The following TMEM91 variants were observed in gnomAD, a reference collection of about 807,000 sequenced individuals.
TMEM91 encodes transmembrane protein 91, also known as dispanin subfamily C member 3.
TMEM91 carries 6 observed loss-of-function variants against 13.3 expected under a neutral mutation model. The observed-to-expected ratio is 0.45, with a 90% CI of 0.25 to 0.89. The LOEUF (loss-of-function observed/expected upper bound fraction) is 0.89, where lower values mean the gene tolerates loss of function less well. Ranked by LOEUF, TMEM91 falls within the 40% of genes least tolerant of loss-of-function variation. TMEM91 has a pLI of 0.19. For missense variants in TMEM91, 193 were observed against 228.7 expected, an observed-to-expected ratio of 0.84 and a Z score of 1.01; for synonymous variants, 87 against 101.7, an observed-to-expected ratio of 0.86 and a Z score of 0.87.
At chr19:41,370,393 T>TTTAATTTATTTA (rs376147570) in intron 1 of TMEM91, among the ~76,000 whole-genome samples, 1 of 142,986 alleles carries the variant, frequency 7.0e-6, no homozygotes, top group Non-Finnish European at 1.5e-5. Context: ...TTTATTTTTA[T>TTTAATTTATTTA]TTTATTTATT....
In TMEM91 at chr19:41,381,644, G is replaced by T. The variant is rs995817804; in HGVS notation, c.211-1128G>T. On this transcript the variant is annotated intron_variant, in intron 2 of 3. Transcript: ENST00000392002. ...CTCCCAAAGTGCTGGGCTTACAGGCGTGAGCCACTGAGCCTGGCCCATGCC... is the reference window on the plus strand; with the variant it reads ...CTCCCAAAGTGCTGGGCTTACAGGCTTGAGCCACTGAGCCTGGCCCATGCC... 3.3e-4 allele frequency among the ~76,000 whole-genome samples: 50 copies of T among 151,964 alleles called. 1 individual carries two copies. Among genetic ancestry groups the T allele is most frequent in the Non-Finnish European group, 5.4e-4 (37 of 67,982 alleles).
upstream of TMEM91, among the ~76,000 whole-genome samples, chr19:41,375,760 A>G (rs1036612257): frequency 2.0e-5 from 3 of 151,604 alleles, no homozygotes; most frequent in Admixed American, 1.3e-4. Context: ...TGAAGCGAGC[A>G]ATGATTGCGC....
intron 1 of TMEM91, among the ~76,000 whole-genome samples, chr19:41,370,791 C>G (rs995247269): frequency 6.6e-6 from 1 of 152,050 alleles, no homozygotes; most frequent in African/African-American, 2.4e-5. Context: ...TAACCTCTGC[C>G]TCCTGGCTTC....
chr19:41,378,016 A>G (rs1334595982), intron 1 of TMEM91, among the ~76,000 whole-genome samples: 5 of 143,548 alleles, frequency 3.5e-5, no homozygotes, highest in Non-Finnish European at 7.6e-5. Context: ...TGCCTGGGCA[A>G]CAGATGGAGA....
At chr19:41,380,829 A>G (rs2038861519) in intron 2 of TMEM91, among the ~76,000 whole-genome samples, 1 of 149,572 alleles carries the variant, frequency 6.7e-6, no homozygotes, top group East Asian at 2.0e-4. Flanking sequence ...CAGGAGAATC[A>G]CTTAAACCTG....
Position 41,376,653 on chromosome 19 carries a change from C to A in TMEM91, c.-231C>A, listed in dbSNP as rs925918287. 15 of 152,218 alleles carry A rather than the reference C, an allele frequency of 9.9e-5. No individual in the cohort carries two copies. The highest frequency in any genetic ancestry group is 3.6e-4 in the African/African-American group (15 of 41,468). The allele number at this position is 152,218 out of a possible 1,614,324, so 9.4% of individuals were successfully genotyped here. A position where few individuals can be genotyped will look rare whatever the true frequency, so the allele number is the denominator to read the frequency against. On this transcript the variant is annotated 5_prime_UTR_variant, in exon 1 of 4. Transcript: ENST00000392002. The stretch of plus-strand genomic sequence containing the variant: ...GACGCTGACGTCGGCTTTCAGGGAT[C>A]CCTCGCCGGACGCCGCGGAGGGACA...
At chr19:41,374,114 C>T (rs1016368332), upstream of TMEM91, 4 of 152,284 alleles carry the variant, frequency 2.6e-5, no homozygotes, top group Admixed American at 6.5e-5. Context: ...CTGCTTCTGT[C>T]GTCTGCCAGA....
At position 41,383,821 on chromosome 19, in the gene TMEM91, CG is replaced by C; in HGVS notation, c.469del (p.Ala157LeufsTer4). On this transcript the variant is annotated frameshift_variant, in exon 4 of 4. Transcript: ENST00000392002. LOFTEE classifies it high-confidence loss of function. ...LAVGLGVCTY[A>X]AALVTLAAYL... Reference sequence around the variant, plus strand: ...GTCGGGCTGGGCGTGTGCACGTATGCGGCTGCCCTGGTGACCCTGGCTGCCT... The same window carrying C: ...GTCGGGCTGGGCGTGTGCACGTATGCGCTGCCCTGGTGACCCTGGCTGCCT... The C allele has an allele frequency of 6.2e-7, 1 of 1,609,868 alleles. No individual in the cohort carries two copies. Among genetic ancestry groups the C allele is most frequent in the Non-Finnish European group, 8.5e-7 (1 of 1,177,986 alleles).
intron 1 of TMEM91, among the ~76,000 whole-genome samples, chr19:41,368,434 T>TGG (rs1409927759): frequency 1.5e-4 from 20 of 137,666 alleles, no homozygotes. Context: ...TTGGGGGGGG[T>TGG]GGTTATTGGG....
chr19:41,378,329 G>C lies in TMEM91; in HGVS notation c.20G>C (p.Arg7Pro). The C allele has an allele frequency of 4.3e-6, 7 of 1,614,144 alleles. No individual in the cohort carries two copies. The highest frequency in any genetic ancestry group is 5.9e-6 in the Non-Finnish European group (7 of 1,180,002). ...AAAGCCATGGACAGCCCTAGTCTTC[G>C]TGAGCTTCAACAGCCTCTGCTGGAG... Reference protein sequence around the residue: MDSPSLRELQQPLLEGT... With the variant: MDSPSLPELQQPLLEGT... The change falls in exon 2 of 4, where the codon CGT becomes CCT. Residue 7 changes from arginine (R) to proline (P), a missense_variant. Transcript: ENST00000392002.
chr19:41,365,235 A>C (rs1387622421), intron 1 of TMEM91, among the ~76,000 whole-genome samples: 4 of 152,180 alleles, frequency 2.6e-5, no homozygotes, highest in Admixed American at 1.3e-4. Flanking sequence ...GCGGTGGCTC[A>C]TAACTGTAAT....
intron 1 of TMEM91, among the ~76,000 whole-genome samples, chr19:41,369,699 T>A (rs965162476): frequency 1.3e-5 from 2 of 151,582 alleles, no homozygotes; most frequent in Non-Finnish European, 1.5e-5. Context: ...TCCCAGCTAC[T>A]CGGGAGGCTG....
intron 1 of TMEM91, among the ~76,000 whole-genome samples, chr19:41,371,236 A>C (rs977507779): frequency 1.3e-5 from 2 of 151,374 alleles, no homozygotes; most frequent in African/African-American, 4.9e-5. Flanking sequence ...TCCTGACCTC[A>C]GGTGATCTGC....
Position 41,378,482 on chromosome 19 carries a change from G to T in TMEM91, c.173G>T (p.Ser58Ile). 1 of 1,614,128 alleles carries T rather than the reference G, an allele frequency of 6.2e-7. No individual in the cohort carries two copies. Among genetic ancestry groups the T allele is most frequent in the Non-Finnish European group, 8.5e-7 (1 of 1,179,988 alleles). The change falls in exon 2 of 4, where the codon AGC (serine) becomes ATC (isoleucine). Residue 58 changes from serine (S) to isoleucine (I), a missense_variant. Ser to Ile is a moderately radical substitution (Grantham distance 142). Coordinates refer to ENST00000392002, the MANE Select transcript of TMEM91 (RefSeq NM_001098821.2). Reference sequence around the variant, plus strand: ...CTGTCACCGCCTCTTCCCTCCGTGAGCGCTGGCCTGGGGGAACCAAGGCCC... The same window carrying T: ...CTGTCACCGCCTCTTCCCTCCGTGATCGCTGGCCTGGGGGAACCAAGGCCC... ...QFLSPPLPSV[S>I]AGLGEPRPPD...
In TMEM91 at chr19:41,383,731, C is replaced by A; in HGVS notation, c.377C>A (p.Ala126Asp). 1 of 1,608,786 alleles carries A rather than the reference C, an allele frequency of 6.2e-7. No homozygotes were observed. Among genetic ancestry groups the A allele is most frequent in the Non-Finnish European group, 8.5e-7 (1 of 1,177,028 alleles). Reference protein sequence around the residue: ...CLAQKTNKAWAKGDIQGAGAA... With the variant: ...CLAQKTNKAWDKGDIQGAGAA... Reference sequence around the variant, plus strand: ...CCTCTACAGACCAACAAGGCTTGGGCCAAGGGGGACATCCAGGGGGCAGGG... The same window carrying A: ...CCTCTACAGACCAACAAGGCTTGGGACAAGGGGGACATCCAGGGGGCAGGG... The change falls in exon 4 of 4, where the codon GCC (alanine) becomes GAC (aspartate). Residue 126 changes from alanine to aspartate, a missense_variant. By Grantham distance (126) the Ala-to-Asp change is moderately radical. Transcript: ENST00000392002.
chr19:41,367,449 G>T (rs2038546363), intron 1 of TMEM91, among the ~76,000 whole-genome samples: 1 of 152,140 alleles, frequency 6.6e-6, no homozygotes, highest in Non-Finnish European at 1.5e-5. Flanking sequence ...TGGCCAACAT[G>T]ATGAAACCTC....
intron 1 of TMEM91, among the ~76,000 whole-genome samples, chr19:41,365,644 G>T (rs1205914542): frequency 6.6e-6 from 1 of 150,646 alleles, no homozygotes; most frequent in Non-Finnish European, 1.5e-5. Context: ...ACCTCAGGTG[G>T]TCCACCCGCC....
intron 2 of TMEM91, among the ~76,000 whole-genome samples, chr19:41,380,780 G>T (rs1245220685): frequency 1.3e-5 from 2 of 151,840 alleles, no homozygotes; most frequent in Non-Finnish European, 2.9e-5. Context: ...CAGGTGTAGT[G>T]GTGCACACCT....
At chr19:41,368,298 T>C (rs1341750321) in intron 1 of TMEM91, among the ~76,000 whole-genome samples, 1 of 151,712 alleles carries the variant, frequency 6.6e-6, no homozygotes, top group East Asian at 1.9e-4. Context: ...ATGTCTGCAG[T>C]CCCATCTACT....
Sources: allele counts gnomAD v4.1 joint callset (sites outside exome capture counted in the v4.1 genomes callset), GRCh38; gene constraint gnomAD v4.1.1; transcripts MANE v1.5; gene names NCBI Gene and HGNC (gene_info 2026-07-23, HGNC 2026-07-21).